ABCC3: variants seen among roughly 807,000 people sequenced by gnomAD.
ABCC3 encodes ATP-binding cassette sub-family C member 3.
A neutral mutation model predicts 165.3 loss-of-function variants in ABCC3; 121 were observed. The observed-to-expected ratio is 0.73, with a 90% CI of 0.63 to 0.85. ABCC3 has a LOEUF of 0.85. ABCC3 is among the 40% of genes least tolerant of loss of function. The probability of loss-of-function intolerance (pLI) is 0.00; values close to 1 mark genes in which losing one functional copy is unlikely to be tolerated. For missense variants in ABCC3, 1,869 were observed against 1,964.1 expected (o/e 0.95, Z 0.92); for synonymous variants, 733 against 810.1 (o/e 0.90, Z 1.62).
chr17:50,673,959 T>C (rs1967716421), intron 19 of ABCC3, among the ~76,000 whole-genome samples: 2 of 18,026 alleles, frequency 1.1e-4, no homozygotes, highest in African/African-American at 4.8e-4. Flanking sequence ...TTTCTTTCTT[T>C]CTTTCTTTCT....
chr17:50,669,044 C>A, intron 15 of ABCC3, 96 bp from the exon 16 acceptor site: 1 of 1,597,812 alleles, frequency 6.3e-7, no homozygotes, highest in South Asian at 1.1e-5. Flanking sequence ...AGGGGGGTGT[C>A]TGGAAGGGCG....
intron 1 of ABCC3, chr17:50,635,294 C>T: frequency 1.6e-6 from 1 of 621,564 alleles, no homozygotes; most frequent in South Asian, 1.8e-5. Flanking sequence ...GAGTCGGCTC[C>T]ATCCCAGCCC....
intron 1 of ABCC3, among the ~76,000 whole-genome samples, chr17:50,649,803 G>T (rs1967079658): frequency 6.6e-6 from 1 of 152,096 alleles, no homozygotes; most frequent in South Asian, 2.1e-4. Flanking sequence ...TTTTTAATAG[G>T]ATCACAGGTC....
At position 50,676,269 on chromosome 17, in the gene ABCC3, C is replaced by G. The variant is rs1008148971; in HGVS notation, c.3068-9C>G. On this transcript the variant is annotated splice_polypyrimidine_tract_variant and intron_variant, in intron 22 of 30. Transcript: ENST00000285238. ...CAGGTGAGCCAGCGCCCTCTGCCTT[C>G]TCCAACAGGGTTCTTGGTGATGCTG... 1.2e-6 allele frequency: 2 copies of G among 1,608,716 alleles called. No individual in the cohort carries two copies. The highest frequency in any genetic ancestry group is 3.3e-5 in the Admixed American group (2 of 59,894).
chr17:50,679,546 A>C (rs1333673277), intron 25 of ABCC3: 7 of 359,496 alleles, frequency 1.9e-5, no homozygotes, highest in Non-Finnish European at 3.6e-5. Flanking sequence ...AGTCTTATAC[A>C]TATTAAAGTT....
At chr17:50,665,608 CTT>C (rs201547164) in intron 11 of ABCC3, among the ~76,000 whole-genome samples, 31 of 142,208 alleles carry the variant, frequency 2.2e-4, no homozygotes, top group Non-Finnish European at 1.6e-4. Flanking sequence ...TGTTTTTTTT[CTT>C]TTTTTTTTTT....
chr17:50,664,913 T>C (rs1597852056), intron 10 of ABCC3, among the ~76,000 whole-genome samples: 1 of 152,180 alleles, frequency 6.6e-6, no homozygotes, highest in South Asian at 2.1e-4. Context: ...TTTGCCTTCC[T>C]GTGTGTCTGG....
Position 50,657,166 on chromosome 17 carries a change from C to A in ABCC3, c.469C>A (p.Leu157Ile), listed in dbSNP as rs1453491308. The A allele has an allele frequency of 6.2e-7, 1 of 1,614,100 alleles. No individual in the cohort carries two copies. Among genetic ancestry groups the A allele is most frequent in the Non-Finnish European group, 8.5e-7 (1 of 1,179,976 alleles). ...CATCGTCCCATTCCGCTCCAAGATC[C>A]TTTTAGCCAAGGCAGAGGTAAGGTT... is the stretch of plus-strand genomic sequence containing the variant. ...CAIVPFRSKI[L>I]LAKAEGEISD... Residue 157 changes from leucine to isoleucine, a missense_variant, in exon 4 of 31, where the codon CTT (leucine) becomes ATT (isoleucine). By Grantham distance (5) the Leu-to-Ile change is conservative (BLOSUM62 2). Coordinates refer to ENST00000285238, the MANE Select transcript of ABCC3 (RefSeq NM_003786.4).
intron 15 of ABCC3, 54 bp from the exon 16 acceptor site, chr17:50,669,086 G>A: frequency 3.1e-6 from 5 of 1,589,472 alleles, no homozygotes; most frequent in Non-Finnish European, 3.4e-6. Flanking sequence ...GAGGGTTGGA[G>A]ACCAAAACCC....
In ABCC3 at chr17:50,655,999, G is replaced by A. The variant is rs370960744; in HGVS notation, c.213G>A (p.Lys71=). 4.3e-6 allele frequency: 7 copies of A among 1,613,722 alleles called. No individual in the cohort carries two copies. Among genetic ancestry groups the A allele is most frequent in the East Asian group, 2.2e-5 (1 of 44,862 alleles). ...ACATCATCCTCTCCCACCTGTCCAA[G>A]CTCAAGATGGTCAGTGGCTCAGGGA... ...RGYIILSHLS[K]LKMVLGVLLW... The change falls in exon 2 of 31, where the codon AAG becomes AAA. Residue 71 remains lysine (K), a synonymous_variant. Coordinates refer to ENST00000285238, the MANE Select transcript of ABCC3 (RefSeq NM_003786.4).
In ABCC3 at chr17:50,675,744, T is replaced by C. The variant is rs1967789410; in HGVS notation, c.2828T>C (p.Leu943Pro). The C allele has an allele frequency of 6.4e-7, 1 of 1,563,716 alleles. No homozygotes were observed. The highest frequency in any genetic ancestry group is 8.7e-7 in the Non-Finnish European group (1 of 1,153,784). Residue 943 changes from leucine to proline, a missense_variant, in exon 21 of 31, where the codon CTG becomes CCG. Transcript: ENST00000285238. ...ACAGAGGCGAAGGCAGATGGGGCAC[T>C]GACCCAGGAGGAGAAAGCAGCCATT... is the stretch of plus-strand genomic sequence containing the variant. ...QVTEAKADGA[L>P]TQEEKAAIGT...
chr17:50,639,438 G>T (rs931269177), intron 1 of ABCC3, among the ~76,000 whole-genome samples: 1 of 152,184 alleles, frequency 6.6e-6, no homozygotes, highest in African/African-American at 2.4e-5. Flanking sequence ...TGCCAAGCCC[G>T]CCTGTAGTCC....
intron 1 of ABCC3, among the ~76,000 whole-genome samples, chr17:50,641,925 T>C (rs980066006): frequency 6.6e-6 from 1 of 151,528 alleles, no homozygotes; most frequent in Non-Finnish European, 1.5e-5. Flanking sequence ...CACATGCCTG[T>C]AGTCCCAGCT....
chr17:50,667,322 T>C (rs1408367719), intron 11 of ABCC3, among the ~76,000 whole-genome samples: 1 of 151,936 alleles, frequency 6.6e-6, no homozygotes, highest in African/African-American at 2.4e-5. Context: ...GGGAGGCCGG[T>C]GCAGTGGCAC....
rs2146639093 is a variant in ABCC3 at position 50,680,766 on chromosome 17, G to A, written c.3807+867G>A. Among the ~76,000 whole-genome samples the A allele has an allele frequency of 1.3e-5, 2 of 152,184 alleles. 1 individual carries two copies. Among genetic ancestry groups the A allele is most frequent in the South Asian group, 4.2e-4 (2 of 4,816 alleles). ...CCACCAATCTGCCTTCTTCATGCCT[G>A]CACTGAGCACTTAAAACCTTGCAGG... On this transcript the variant is annotated intron_variant, in intron 26 of 30. Coordinates refer to ENST00000285238, the MANE Select transcript of ABCC3 (RefSeq NM_003786.4).
At chr17:50,673,289 G>T in intron 18 of ABCC3, 151 bp downstream of exon 18, 1 of 1,238,638 alleles carries the variant, frequency 8.1e-7, no homozygotes. Flanking sequence ...AACCTGTGGG[G>T]ACAACTCCCC....
intron 28 of ABCC3, 92 bp downstream of exon 28, chr17:50,684,199 C>G (rs1358227537): frequency 6.7e-7 from 1 of 1,493,084 alleles, no homozygotes; most frequent in Non-Finnish European, 8.9e-7. Context: ...GACTGGGACC[C>G]CAGTCTCAGA....
At chr17:50,658,678 C>G in intron 6 of ABCC3, 182 bp downstream of exon 6, 1 of 693,092 alleles carries the variant, frequency 1.4e-6, no homozygotes, top group East Asian at 2.7e-5. Flanking sequence ...AATGCAGAGG[C>G]CTGGCCTGGC....
chr17:50,687,126 G>C (rs1477852950), intron 29 of ABCC3, among the ~76,000 whole-genome samples: 1 of 152,118 alleles, frequency 6.6e-6, no homozygotes, highest in Non-Finnish European at 1.5e-5. Flanking sequence ...GTGATATTAG[G>C]CTCAGCAAGA....
Sources: gnomAD v4.1 joint callset for allele counts (sites outside exome capture counted in the v4.1 genomes callset) on GRCh38, gnomAD v4.1.1 for gene constraint, MANE v1.5 for transcripts, NCBI Gene and HGNC (gene_info 2026-07-23, HGNC 2026-07-21) for gene names.